HERC4: variants seen among roughly 807,000 people sequenced by gnomAD.
HERC4 encodes the protein probable E3 ubiquitin-protein ligase HERC4.
A neutral mutation model predicts 124.3 loss-of-function variants in HERC4; 28 were observed. The observed-to-expected ratio is 0.23, with a 90% CI of 0.17 to 0.31. HERC4 has a LOEUF of 0.31. HERC4 is among the 10% of genes least tolerant of loss of function. HERC4 has a pLI of 1.00. For synonymous variants in HERC4, 407 were observed against 421.5 expected (o/e 0.97, Z 0.42); for missense variants, 713 against 1,229.3 (o/e 0.58, Z 6.28).
intron 15 of HERC4, among the ~76,000 whole-genome samples, chr10:67,974,631 C>T (rs659420): frequency 0.47 from 71,249 of 151,956 alleles, 20,734 homozygotes; most frequent in Non-Finnish European, 0.66. Context: ...TTAAAAGGAT[C>T]GGTCTATATC....
intron 15 of HERC4, among the ~76,000 whole-genome samples, chr10:67,970,808 T>C (rs1044576334): frequency 6.6e-6 from 1 of 151,810 alleles, no homozygotes; most frequent in Non-Finnish European, 1.5e-5. Flanking sequence ...ATGATCATAT[T>C]AGAAATAAAG....
intron 3 of HERC4, among the ~76,000 whole-genome samples, chr10:68,058,964 C>T (rs532406345): frequency 1.2e-4 from 18 of 152,152 alleles, no homozygotes; most frequent in African/African-American, 4.3e-4. Context: ...TCTACACCAA[C>T]AGTTACCAAT....
chr10:67,956,841 CAATT>C, intron 17 of HERC4, 33 bp downstream of exon 17: 1 of 1,298,716 alleles, frequency 7.7e-7, no homozygotes, highest in Non-Finnish European at 1.1e-6. Flanking sequence ...ATCAAAGAAA[CAATT>C]AAAAAAAAAA....
At chr10:68,073,879 A>G (rs563524313) in intron 1 of HERC4, 193 bp from the exon 2 acceptor site, 1 of 152,002 alleles carries the variant, frequency 6.6e-6, no homozygotes, top group Admixed American at 6.6e-5. Context: ...TTAAAACTAA[A>G]TCAATGTGCA....
chr10:68,021,093 C>A (rs540894), intron 8 of HERC4, among the ~76,000 whole-genome samples: 2 of 152,058 alleles, frequency 1.3e-5, no homozygotes, highest in Non-Finnish European at 2.9e-5. Context: ...ATCCATAAGC[C>A]CCAATGAATT....
intron 22 of HERC4, among the ~76,000 whole-genome samples, chr10:67,933,518 TAGA>T (rs1451740047): frequency 2.0e-5 from 3 of 152,200 alleles, no homozygotes; most frequent in African/African-American, 7.2e-5. Context: ...GAATGGATAC[TAGA>T]AGATTTCACT....
intron 3 of HERC4, among the ~76,000 whole-genome samples, chr10:68,055,315 A>G (rs1417724262): frequency 6.6e-6 from 1 of 152,248 alleles, no homozygotes; most frequent in Non-Finnish European, 1.5e-5. Flanking sequence ...GGTACAATCC[A>G]TAGCCAAGAA....
chr10:68,064,274 C>G (rs1261864169), intron 3 of HERC4, among the ~76,000 whole-genome samples: 1 of 151,734 alleles, frequency 6.6e-6, no homozygotes, highest in Non-Finnish European at 1.5e-5. Context: ...AAGAAATAGG[C>G]CGGGTGCCGT....
At chr10:67,932,849 TAA>T in intron 22 of HERC4, 69 bp from the exon 23 acceptor site, 1 of 1,355,310 alleles carries the variant, frequency 7.4e-7, no homozygotes, top group South Asian at 1.4e-5. Flanking sequence ...ATGTAGTCAT[TAA>T]AACTTCAAGT....
intron 3 of HERC4, among the ~76,000 whole-genome samples, chr10:68,070,995 G>A (rs2041547718): frequency 6.6e-6 from 1 of 152,172 alleles, no homozygotes; most frequent in Admixed American, 6.5e-5. Flanking sequence ...GTTCTCTCCA[G>A]TTGTTCATGT....
chr10:68,044,640 C>A, intron 3 of HERC4, 77 bp from the exon 4 acceptor site: 1 of 1,333,186 alleles, frequency 7.5e-7, no homozygotes, highest in South Asian at 1.3e-5. Flanking sequence ...TAGTTTTGAA[C>A]TTCCAATAAG....
chr10:68,063,650 G>C (rs558649430), intron 3 of HERC4, among the ~76,000 whole-genome samples: 1 of 152,270 alleles, frequency 6.6e-6, no homozygotes, highest in South Asian at 2.1e-4. Context: ...TAAATAAACA[G>C]AGGTAGGTCA....
chr10:67,966,906 G>C (rs112713740), intron 15 of HERC4, 104 bp from the exon 16 acceptor site: 12,223 of 783,082 alleles, frequency 0.016, 120 homozygotes, highest in Middle Eastern at 0.032. Context: ...CCAGGCTGGA[G>C]TGCAGTGGCA....
chr10:67,949,563 C>G (rs1298856972), intron 19 of HERC4, among the ~76,000 whole-genome samples: 1 of 152,082 alleles, frequency 6.6e-6, no homozygotes, highest in Non-Finnish European at 1.5e-5. Flanking sequence ...AAATTGTCAA[C>G]AAAATAATAG....
intron 8 of HERC4, among the ~76,000 whole-genome samples, chr10:68,017,050 T>C (rs78421304): frequency 0.016 from 2,422 of 152,278 alleles, 81 homozygotes; most frequent in African/African-American, 0.056. Context: ...CTGTATATTA[T>C]ATTCCCCATA....
At chr10:67,923,243 G>T in intron 24 of HERC4, 104 bp from the exon 25 acceptor site, 1 of 774,736 alleles carries the variant, frequency 1.3e-6, no homozygotes, top group Non-Finnish European at 2.1e-6. Context: ...TTTAACATCT[G>T]CTCTAACGTG....
intron 15 of HERC4, among the ~76,000 whole-genome samples, chr10:67,980,282 C>T (rs60169349): frequency 0.073 from 11,037 of 151,946 alleles, 1,020 homozygotes; most frequent in African/African-American, 0.22. Flanking sequence ...TACAGACATG[C>T]GCCACCATGC....
At chr10:68,047,172 C>T (rs2040054728) in intron 3 of HERC4, among the ~76,000 whole-genome samples, 1 of 143,712 alleles carries the variant, frequency 7.0e-6, no homozygotes, top group Non-Finnish European at 1.5e-5. Context: ...AAAAGAATAA[C>T]ATCCCCAGTT....
rs745872927 is a variant in HERC4 at position 67,939,648 on chromosome 10, C to T, written c.2511G>A (p.Met837Ile). ...CTTCTGGATAATCCAGTAACTGTTG[C>T]ATGCTTCTGCAAAATAATATATATG... The part of the protein sequence containing the change: ...KELMPDVGRS[M>I]QQLLDYPEDD... Residue 837 changes from methionine (M) to isoleucine (I), a missense_variant, in exon 21 of 25, where the codon ATG becomes ATA. By Grantham distance (10) the Met-to-Ile change is conservative. Transcript: ENST00000373700. 1.9e-6 allele frequency: 3 copies of T among 1,599,482 alleles called. No homozygotes were observed. The highest frequency in any genetic ancestry group is 2.7e-5 in the African/African-American group (2 of 74,284).
Sources: gnomAD v4.1 joint callset for allele counts (sites outside exome capture counted in the v4.1 genomes callset) on GRCh38, gnomAD v4.1.1 for gene constraint, MANE v1.5 for transcripts, NCBI Gene and HGNC (gene_info 2026-07-23, HGNC 2026-07-21) for gene names.